SRD5A2: variants seen among roughly 807,000 people sequenced by gnomAD.
The protein encoded by SRD5A2 is 3-oxo-5-alpha-steroid 4-dehydrogenase 2.
In SRD5A2, 30 loss-of-function variants were observed where a neutral mutation model predicts 27.4. The ratio of observed to expected loss-of-function variants is 1.10; its 90% CI spans 0.82 to 1.49. The LOEUF is 1.49. Among genes scored for constraint, SRD5A2 ranks in the 40% most tolerant of loss-of-function variants. SRD5A2 has a pLI of 0.00. For synonymous variants in SRD5A2, 141 were observed against 133.6 expected, an observed-to-expected ratio of 1.06 and a Z score of -0.38; for missense variants, 348 against 323.4, an observed-to-expected ratio of 1.08 and a Z score of -0.58.
chr2:31,546,038 A>G (rs1026308252), intron 1 of SRD5A2, among the ~76,000 whole-genome samples: 1 of 152,244 alleles, frequency 6.6e-6, no homozygotes, highest in Non-Finnish European at 1.5e-5. Flanking sequence ...ATTATAAAAT[A>G]TTGCTGAAAG....
intron 1 of SRD5A2, among the ~76,000 whole-genome samples, chr2:31,571,773 G>C (rs765077119): frequency 2.0e-5 from 3 of 151,876 alleles, no homozygotes; most frequent in African/African-American, 7.3e-5. Context: ...AAAAATGCTC[G>C]GCATCACTAA....
At chr2:31,596,742 T>C in the SRD5A2 span, among the ~76,000 whole-genome samples, 10 of 152,100 alleles carry the variant, frequency 6.6e-5, no homozygotes, top group South Asian at 8.3e-4. Context: ...CCTTTCAGAA[T>C]AGCTGCAAAA....
chr2:31,644,620 CT>C, the SRD5A2 span, among the ~76,000 whole-genome samples: 1 of 152,190 alleles, frequency 6.6e-6, no homozygotes, highest in Admixed American at 6.5e-5. Context: ...TGCGGCTCAC[CT>C]CCTGCTGTGT....
At chr2:31,569,045 C>CG (rs1666797055) in intron 1 of SRD5A2, among the ~76,000 whole-genome samples, 1 of 152,196 alleles carries the variant, frequency 6.6e-6, no homozygotes, top group Admixed American at 6.5e-5. Context: ...CAGGGAAGCC[C>CG]GGGTCCAGAG....
the SRD5A2 span, among the ~76,000 whole-genome samples, chr2:31,658,894 C>T: frequency 6.6e-6 from 1 of 152,008 alleles, no homozygotes; most frequent in East Asian, 1.9e-4. Flanking sequence ...GCTACTGAAA[C>T]CTGGCAGAGA....
At chr2:31,584,625 TA>T (rs1195494504), upstream of SRD5A2, among the ~76,000 whole-genome samples, 2 of 151,988 alleles carry the variant, frequency 1.3e-5, no homozygotes, top group African/African-American at 2.4e-5. Context: ...GATAATTCAC[TA>T]AAAAAAATTA....
the SRD5A2 span, among the ~76,000 whole-genome samples, chr2:31,594,306 C>T: frequency 6.6e-6 from 1 of 152,088 alleles, no homozygotes; most frequent in Non-Finnish European, 1.5e-5. Flanking sequence ...CTTTAAGAGA[C>T]TCACCATACA....
the SRD5A2 span, among the ~76,000 whole-genome samples, chr2:31,589,723 C>T: frequency 1.8e-3 from 269 of 152,080 alleles, 1 homozygote; most frequent in Non-Finnish European, 2.7e-3. Flanking sequence ...TGGCTGAGTA[C>T]GAATTTTCCT....
chr2:31,578,755 A>G (rs1201680140), intron 1 of SRD5A2, among the ~76,000 whole-genome samples: 1 of 152,016 alleles, frequency 6.6e-6, no homozygotes, highest in African/African-American at 2.4e-5. Flanking sequence ...CAATATGTAG[A>G]TATTTGTTTT....
intron 1 of SRD5A2, among the ~76,000 whole-genome samples, chr2:31,564,861 G>C (rs1452117383): frequency 6.6e-6 from 1 of 151,572 alleles, no homozygotes; most frequent in East Asian, 1.9e-4. Flanking sequence ...TCAGGTAAAA[G>C]GAAAAAATGA....
rs1038676961 is a variant in SRD5A2 at position 31,523,332 on chromosome 2, G to T, written c.*2864C>A. On this transcript the variant is annotated 3_prime_UTR_variant, in exon 5 of 5. Coordinates refer to ENST00000622030, the MANE Select transcript of SRD5A2 (RefSeq NM_000348.4). ...ACTATGCAACAGCACTTAAGCTCTG[G>T]CTATTTTTCTCCTGCATGAGCTCTG... The T allele has an allele frequency of 1.9e-4, 41 of 213,624 alleles. 1 individual carries two copies. The highest frequency in any genetic ancestry group is 8.6e-4 in the African/African-American group (38 of 44,326). 13.2% of individuals were successfully genotyped at this position (213,624 alleles called of 1,614,324 possible).
intron 1 of SRD5A2, among the ~76,000 whole-genome samples, chr2:31,569,940 A>G (rs1666818643): frequency 6.6e-6 from 1 of 152,182 alleles, no homozygotes; most frequent in Non-Finnish European, 1.5e-5. Context: ...GACAAATTAC[A>G]CCAGATGTGT....
chr2:31,608,134 A>G, the SRD5A2 span, among the ~76,000 whole-genome samples: 2 of 152,076 alleles, frequency 1.3e-5, no homozygotes, highest in East Asian at 3.9e-4. Context: ...TGACTAAGAC[A>G]TCATATAACT....
chr2:31,602,404 G>C, the SRD5A2 span, among the ~76,000 whole-genome samples: 2 of 151,944 alleles, frequency 1.3e-5, no homozygotes, highest in African/African-American at 4.8e-5. Context: ...AAAGAAATAA[G>C]AGAGGACGCA....
At chr2:31,561,487 T>G (rs1666622789) in intron 1 of SRD5A2, among the ~76,000 whole-genome samples, 1 of 152,150 alleles carries the variant, frequency 6.6e-6, no homozygotes, top group Admixed American at 6.6e-5. Context: ...ATCTGGCAGA[T>G]CCATTTAAAT....
intron 1 of SRD5A2, among the ~76,000 whole-genome samples, chr2:31,562,462 C>T (rs765936533): frequency 4.3e-4 from 65 of 152,020 alleles, no homozygotes; most frequent in Non-Finnish European, 7.6e-4. Flanking sequence ...GTATCAAATA[C>T]TAGAACTTAT....
chr2:31,585,366 G>A, upstream of SRD5A2, among the ~76,000 whole-genome samples: 1 of 152,090 alleles, frequency 6.6e-6, no homozygotes, highest in East Asian at 1.9e-4. Context: ...ATCCCAGGCT[G>A]CACAACTCAC....
chr2:31,638,030 T>C, the SRD5A2 span, among the ~76,000 whole-genome samples: 3 of 152,256 alleles, frequency 2.0e-5, no homozygotes, highest in South Asian at 6.2e-4. Flanking sequence ...GTTGTTTATT[T>C]GAAGTCTTTC....
chr2:31,623,299 A>C, the SRD5A2 span, among the ~76,000 whole-genome samples: 1 of 152,158 alleles, frequency 6.6e-6, no homozygotes, highest in East Asian at 1.9e-4. Context: ...ATATAAAATA[A>C]ACAGCAAGTA....
Sources: allele counts gnomAD v4.1 joint callset (sites outside exome capture counted in the v4.1 genomes callset), GRCh38; gene constraint gnomAD v4.1.1; transcripts MANE v1.5; gene names NCBI Gene and HGNC (gene_info 2026-07-23, HGNC 2026-07-21).